The following MCPH1 variants were observed in gnomAD, a reference collection of about 807,000 sequenced individuals.
MCPH1 encodes the protein microcephalin.
MCPH1 carries 104 observed loss-of-function variants against 84.5 expected under a neutral mutation model. The observed-to-expected ratio is 1.23, with a 90% CI of 1.05 to 1.45. The LOEUF is 1.45. MCPH1 is among the 40% of genes most tolerant of loss of function. The pLI, the probability that MCPH1 is intolerant of heterozygous loss-of-function variation, is 0.00. For synonymous variants in MCPH1, 514 were observed against 366.8 expected, an observed-to-expected ratio of 1.40 and a Z score of -4.58; for missense variants, 1,498 against 1,005.7, an observed-to-expected ratio of 1.49 and a Z score of -6.62.
chr8:6,479,122 C>T (rs547818156), intron 10 of MCPH1, among the ~76,000 whole-genome samples: 4 of 152,124 alleles, frequency 2.6e-5, no homozygotes, highest in South Asian at 2.1e-4. Flanking sequence ...AAAAGTTAGC[C>T]AGACTTGGTG....
At chr8:6,568,709 T>G in intron 12 of MCPH1, among the ~76,000 whole-genome samples, 1 of 152,228 alleles carries the variant, frequency 6.6e-6, no homozygotes, top group East Asian at 1.9e-4. Context: ...CGGCATTTTG[T>G]GCTGACATCG....
chr8:6,500,131 A>G, intron 12 of MCPH1: 1 of 580,474 alleles, frequency 1.7e-6, no homozygotes, highest in Non-Finnish European at 3.1e-6. Flanking sequence ...TGCAAAAAGT[A>G]GTGAGGAATG....
intron 11 of MCPH1, among the ~76,000 whole-genome samples, chr8:6,481,551 G>C (rs941264782): frequency 6.6e-6 from 1 of 152,040 alleles, no homozygotes; most frequent in East Asian, 1.9e-4. Context: ...TGCATCTGTG[G>C]TATCCGTCTT....
At chr8:6,522,526 C>G (rs796864051) in intron 12 of MCPH1, among the ~76,000 whole-genome samples, 1 of 152,120 alleles carries the variant, frequency 6.6e-6, no homozygotes, top group African/African-American at 2.4e-5. Flanking sequence ...ATAATCCCAG[C>G]ACTTTGGAAG....
intron 2 of MCPH1, among the ~76,000 whole-genome samples, chr8:6,413,917 G>C (rs998564360): frequency 6.6e-6 from 1 of 152,010 alleles, no homozygotes; most frequent in African/African-American, 2.4e-5. Flanking sequence ...TCCACGCTTG[G>C]CTAATTTTTG....
intron 4 of MCPH1, among the ~76,000 whole-genome samples, chr8:6,434,245 G>A (rs756601601): frequency 5.9e-5 from 9 of 152,190 alleles, no homozygotes; most frequent in South Asian, 2.1e-4. Context: ...AACCTGCACC[G>A]TACCTGAGAA....
chr8:6,529,275 G>T (rs1818988892), intron 12 of MCPH1, among the ~76,000 whole-genome samples: 1 of 152,098 alleles, frequency 6.6e-6, no homozygotes, highest in South Asian at 2.1e-4. Context: ...ACCCATTGTT[G>T]CTCAATTTGA....
chr8:6,483,040 C>T (rs1043051154), intron 11 of MCPH1, among the ~76,000 whole-genome samples: 2 of 152,166 alleles, frequency 1.3e-5, no homozygotes, highest in African/African-American at 4.8e-5. Flanking sequence ...ATCTACAAAA[C>T]AGCAATTAGA....
chr8:6,480,907 A>T, intron 11 of MCPH1, 31 bp downstream of exon 11: 4 of 1,611,292 alleles, frequency 2.5e-6, no homozygotes, highest in Non-Finnish European at 3.4e-6. Context: ...GCGTATTTTA[A>T]AACAAGGCAT....
At chr8:6,613,399 G>C (rs1280606199) in intron 12 of MCPH1, among the ~76,000 whole-genome samples, 1 of 152,172 alleles carries the variant, frequency 6.6e-6, no homozygotes, top group Non-Finnish European at 1.5e-5. Flanking sequence ...TTTAACCCGG[G>C]TTGTGGTTTG....
intron 12 of MCPH1, among the ~76,000 whole-genome samples, chr8:6,613,132 C>G (rs1053462111): frequency 6.6e-6 from 1 of 152,168 alleles, no homozygotes; most frequent in African/African-American, 2.4e-5. Context: ...AGGCCTGCAG[C>G]AGGTGCCGGG....
intron 13 of MCPH1, among the ~76,000 whole-genome samples, chr8:6,637,118 A>G (rs1434309748): frequency 6.6e-6 from 1 of 152,224 alleles, no homozygotes; most frequent in African/African-American, 2.4e-5. Context: ...TACCCAGTAG[A>G]TATTTCCTAC....
At chr8:6,640,558 A>G (rs1797876308) in intron 13 of MCPH1, among the ~76,000 whole-genome samples, 1 of 152,204 alleles carries the variant, frequency 6.6e-6, no homozygotes, top group South Asian at 2.1e-4. Context: ...TATTTTTCAC[A>G]TGGTTTTACA....
At position 6,509,414 on chromosome 8, in the gene MCPH1, T is replaced by C. The variant is rs1041094914; in HGVS notation, c.2214+9485T>C. The stretch of plus-strand genomic sequence containing the variant: ...CTCCCAGGTCTCCAGTCATCTTCCA[T>C]AGAGACGGAGTCCTGAGACAACTGG... On this transcript the variant is annotated intron_variant, in intron 12 of 13. Coordinates refer to ENST00000344683, the MANE Select transcript of MCPH1 (RefSeq NM_024596.5). Among the ~76,000 whole-genome samples the C allele has an allele frequency of 9.8e-5, 15 of 152,326 alleles. 1 individual carries two copies. Among genetic ancestry groups the C allele is most frequent in the African/African-American group, 3.6e-4 (15 of 41,582 alleles).
intron 13 of MCPH1, among the ~76,000 whole-genome samples, chr8:6,636,862 A>C (rs2042668): frequency 0.53 from 80,567 of 151,986 alleles, 21,873 homozygotes; most frequent in African/African-American, 0.63. Context: ...GGATAAGGGA[A>C]ACACCACCTG....
intron 12 of MCPH1, chr8:6,502,997 C>G: frequency 7.2e-7 from 1 of 1,379,418 alleles, no homozygotes; most frequent in Non-Finnish European, 1.0e-6. Flanking sequence ...GAGCACACGC[C>G]CTCTGTGGTG....
chr8:6,521,515 G>C (rs1369934716), intron 12 of MCPH1: 3 of 837,988 alleles, frequency 3.6e-6, no homozygotes, highest in Non-Finnish European at 5.4e-6. Context: ...ATATTGTAGT[G>C]GTTATAAAGT....
intron 12 of MCPH1, among the ~76,000 whole-genome samples, chr8:6,561,921 C>T (rs557833021): frequency 1.3e-5 from 2 of 152,322 alleles, no homozygotes; most frequent in Non-Finnish European, 2.9e-5. Flanking sequence ...ACAGACCGTC[C>T]TGTCGTGGCA....
At chr8:6,511,581 A>G (rs1411354260) in intron 12 of MCPH1, among the ~76,000 whole-genome samples, 1 of 152,232 alleles carries the variant, frequency 6.6e-6, no homozygotes, top group African/African-American at 2.4e-5. Flanking sequence ...TGCTGCATAC[A>G]ACTGGCGTCT....
Sources: allele counts gnomAD v4.1 joint callset (sites outside exome capture counted in the v4.1 genomes callset), GRCh38; gene constraint gnomAD v4.1.1; transcripts MANE v1.5; gene names NCBI Gene and HGNC (gene_info 2026-07-23, HGNC 2026-07-21).